REPS1: variants seen among roughly 807,000 people sequenced by gnomAD.
The protein encoded by REPS1 is RALBP1 associated Eps domain containing 1.
In REPS1, 39 loss-of-function variants were observed where a neutral mutation model predicts 100.9. That is an observed-to-expected ratio of 0.39 (90% CI 0.30 to 0.50). The LOEUF (loss-of-function observed/expected upper bound fraction) is 0.50, where lower values mean the gene tolerates loss of function less well. REPS1 is among the 20% of genes least tolerant of loss of function. The probability of loss-of-function intolerance (pLI) is 0.86; values close to 1 mark genes in which losing one functional copy is unlikely to be tolerated. For synonymous variants in REPS1, 324 were observed against 340.3 expected, an observed-to-expected ratio of 0.95 and a Z score of 0.53; for missense variants, 821 against 968.5, an observed-to-expected ratio of 0.85 and a Z score of 2.02.
chr6:138,981,199 C>T (rs1477285074), intron 1 of REPS1, among the ~76,000 whole-genome samples: 1 of 152,322 alleles, frequency 6.6e-6, no homozygotes, highest in African/African-American at 2.4e-5. Context: ...CTAATAAATT[C>T]TGTCTTCATT....
chr6:138,931,085 T>C (rs1440955036), intron 8 of REPS1, among the ~76,000 whole-genome samples: 1 of 152,112 alleles, frequency 6.6e-6, no homozygotes, highest in Non-Finnish European at 1.5e-5. Flanking sequence ...AGAACTCATA[T>C]CAAAAATATC....
At chr6:138,942,765 G>GT (rs959601592) in intron 7 of REPS1, among the ~76,000 whole-genome samples, 1 of 151,708 alleles carries the variant, frequency 6.6e-6, no homozygotes, top group African/African-American at 2.4e-5. Context: ...TGCTTGTTTT[G>GT]TTTTTTTGAG....
intron 1 of REPS1, among the ~76,000 whole-genome samples, chr6:138,978,481 C>CT (rs57561790): frequency 0.4 from 59,520 of 147,456 alleles, 12,303 homozygotes; most frequent in African/African-American, 0.54. Flanking sequence ...TTTATTTTAT[C>CT]TTTTTTTTTT....
intron 8 of REPS1, chr6:138,934,404 C>T (rs907477268): frequency 8.7e-6 from 4 of 460,168 alleles, no homozygotes; most frequent in South Asian, 3.1e-5. Context: ...AGTATTTCCA[C>T]GTACAAAAGT....
intron 9 of REPS1, chr6:138,928,650 T>G (rs1781294998): frequency 6.6e-6 from 1 of 152,228 alleles, no homozygotes; most frequent in South Asian, 2.1e-4. Context: ...TTATTTAGAA[T>G]GAACATGGGC....
chr6:138,936,597 GAGAC>G (rs1162252679), intron 8 of REPS1, among the ~76,000 whole-genome samples: 74 of 128,040 alleles, frequency 5.8e-4, no homozygotes, highest in African/African-American at 2.1e-3. Context: ...GGTGGGGGGG[GAGAC>G]AGACAGGGAC....
intron 1 of REPS1, among the ~76,000 whole-genome samples, chr6:138,953,467 T>C (rs1294967609): frequency 6.6e-6 from 1 of 151,946 alleles, no homozygotes; most frequent in African/African-American, 2.4e-5. Context: ...ATATCTAAAA[T>C]ATACAAGGAG....
intron 17 of REPS1, 104 bp from the exon 18 acceptor site, chr6:138,908,920 T>C: frequency 2.9e-6 from 3 of 1,047,834 alleles, no homozygotes; most frequent in African/African-American, 3.2e-5. Flanking sequence ...TCTTGGAAAA[T>C]TGAAAGTTAC....
intron 17 of REPS1, among the ~76,000 whole-genome samples, chr6:138,910,499 G>A (rs73559490): frequency 0.088 from 13,383 of 152,012 alleles, 1,230 homozygotes; most frequent in African/African-American, 0.23. Context: ...GACTATAGGC[G>A]CATACCACCA....
chr6:138,944,586 G>A lies in REPS1; in HGVS notation c.665C>T (p.Ser222Phe). The change falls in exon 5 of 20, where the codon TCC (serine) becomes TTC (phenylalanine). Residue 222 changes from serine (S) to phenylalanine (F), a missense_variant. By Grantham distance (155) the Ser-to-Phe change is radical. Transcript: ENST00000450536. The stretch of plus-strand genomic sequence containing the variant: ...CCAGTTTTCTTGAGGTGGAGGTGGG[G>A]AATGCCCTGACCACACTGCATCACC... ...SAGDAVWSGH[S>F]PPPPQENWVS... 1 of 1,613,972 alleles carries A rather than the reference G, an allele frequency of 6.2e-7. No homozygotes were observed. Among genetic ancestry groups the A allele is most frequent in the Non-Finnish European group, 8.5e-7 (1 of 1,179,876 alleles).
chr6:138,932,821 T>A (rs1481698610), intron 8 of REPS1, among the ~76,000 whole-genome samples: 1 of 152,204 alleles, frequency 6.6e-6, no homozygotes, highest in Non-Finnish European at 1.5e-5. Flanking sequence ...AGGAAAGCAA[T>A]GTTTTCAGTA....
At chr6:138,960,647 C>T (rs894363551) in intron 1 of REPS1, among the ~76,000 whole-genome samples, 4 of 152,142 alleles carry the variant, frequency 2.6e-5, no homozygotes, top group African/African-American at 9.7e-5. Flanking sequence ...GAAATTCACA[C>T]TTTGCACAGA....
chr6:138,971,009 T>C (rs1379959550), intron 1 of REPS1, among the ~76,000 whole-genome samples: 1 of 152,214 alleles, frequency 6.6e-6, no homozygotes, highest in Non-Finnish European at 1.5e-5. Flanking sequence ...TTAGTAACTA[T>C]GACAATTCCC....
chr6:138,904,639 T>C lies in REPS1; in HGVS notation c.*425A>G, dbSNP rs1489591191. 1 of 152,900 alleles carries C rather than the reference T, an allele frequency of 6.5e-6. No homozygotes were observed. The highest frequency in any genetic ancestry group is 2.4e-5 in the African/African-American group (1 of 41,392). 9.5% of individuals were successfully genotyped at this position (152,900 alleles called of 1,614,324 possible). On this transcript the variant is annotated 3_prime_UTR_variant, in exon 20 of 20. Coordinates refer to ENST00000450536, the MANE Select transcript of REPS1 (RefSeq NM_001286611.2). ...ATAATTCTTTAAAATCAAAATTAAA[T>C]GGGAAACTCTTTCTAAAGATTTTTA...
At chr6:138,912,534 G>A in intron 16 of REPS1, 1 of 532,198 alleles carries the variant, frequency 1.9e-6, no homozygotes, top group South Asian at 2.2e-5. Flanking sequence ...GCCACGGCCA[G>A]GCGGTGGTGT....
At chr6:138,954,763 C>T (rs1012604658) in intron 1 of REPS1, among the ~76,000 whole-genome samples, 1 of 152,184 alleles carries the variant, frequency 6.6e-6, no homozygotes, top group Non-Finnish European at 1.5e-5. Context: ...ATCCTATTAG[C>T]TATGCAATAT....
At chr6:138,907,365 G>C in intron 19 of REPS1, 130 bp downstream of exon 19, 3 of 512,580 alleles carry the variant, frequency 5.9e-6, no homozygotes, top group Non-Finnish European at 1.1e-5. Flanking sequence ...ACTAACCACA[G>C]TCAAAGCATC....
Position 138,917,682 on chromosome 6 carries a change from T to C in REPS1, c.1529-55A>G. The C allele has an allele frequency of 2.1e-6, 3 of 1,423,512 alleles. No homozygotes were observed. The South Asian group carries it at 3.5e-5, about 17-fold the overall frequency. 88.2% of individuals were successfully genotyped at this position (1,423,512 alleles called of 1,614,324 possible). A position where few individuals can be genotyped will look rare whatever the true frequency, so the allele number is the denominator to read the frequency against. ...ATAATCATTTCTTTACTTTTTGCTCTATCTACTCCAAACAAATATAAGTGA... is the reference window on the plus strand; with the variant it reads ...ATAATCATTTCTTTACTTTTTGCTCCATCTACTCCAAACAAATATAAGTGA... On this transcript the variant is annotated intron_variant, in intron 12 of 19. Transcript: ENST00000450536.
At position 138,933,176 on chromosome 6, in the gene REPS1, T is replaced by C. The variant is rs1275166059; in HGVS notation, c.1136-3078A>G. ...GCTTTGATGTAGTACCAAAGAATAATTACGTTATCTGAAAAAGCCATGAAA... is the reference window on the plus strand; with the variant it reads ...GCTTTGATGTAGTACCAAAGAATAACTACGTTATCTGAAAAAGCCATGAAA... On this transcript the variant is annotated intron_variant, in intron 8 of 19. Transcript: ENST00000450536. 2.0e-5 allele frequency among the ~76,000 whole-genome samples: 3 copies of C among 152,210 alleles called. No homozygotes were observed. In the East Asian group the frequency reaches 5.8e-4, roughly 29 times the overall value.
Sources: allele counts gnomAD v4.1 joint callset (sites outside exome capture counted in the v4.1 genomes callset), GRCh38; gene constraint gnomAD v4.1.1; transcripts MANE v1.5; gene names NCBI Gene and HGNC (gene_info 2026-07-23, HGNC 2026-07-21).